The following NSUN6 variants were observed in gnomAD, a reference collection of about 807,000 sequenced individuals.
NSUN6 encodes the protein tRNA (cytosine(72)-C(5))-methyltransferase NSUN6.
In NSUN6, 64 loss-of-function variants were observed where a neutral mutation model predicts 58.0. The observed-to-expected ratio is 1.10, with a 90% CI of 0.90 to 1.36. NSUN6 has a LOEUF of 1.36. Among genes scored for constraint, NSUN6 ranks in the 40% most tolerant of loss-of-function variants. The pLI is 0.00. For synonymous variants in NSUN6, 231 were observed against 193.9 expected (o/e 1.19, Z -1.59); for missense variants, 701 against 550.1 (o/e 1.27, Z -2.74).
At chr10:18,605,087 G>A (rs1044078278) in intron 6 of NSUN6, among the ~76,000 whole-genome samples, 96 of 151,024 alleles carry the variant, frequency 6.4e-4, no homozygotes, top group Non-Finnish European at 1.0e-3. Flanking sequence ...GGGTTTCACC[G>A]TGTTAGCCAG....
intron 7 of NSUN6, among the ~76,000 whole-genome samples, chr10:18,587,409 A>G (rs2057199400): frequency 1.3e-5 from 2 of 152,222 alleles, no homozygotes; most frequent in Non-Finnish European, 2.9e-5. Context: ...ATATTTTGGT[A>G]TGGTATAAAA....
chr10:18,627,607 A>T (rs1205313218), intron 3 of NSUN6, among the ~76,000 whole-genome samples: 1 of 152,210 alleles, frequency 6.6e-6, no homozygotes, highest in South Asian at 2.1e-4. Flanking sequence ...GGGAAGCACA[A>T]GGGGTCAGGG....
chr10:18,625,729 A>T (rs1346982292), intron 3 of NSUN6, among the ~76,000 whole-genome samples: 2 of 148,148 alleles, frequency 1.3e-5, no homozygotes, highest in African/African-American at 2.5e-5. Flanking sequence ...TTAAAAAAAA[A>T]AAAAAAAAAA....
At chr10:18,548,317 T>A in intron 9 of NSUN6, 80 bp from the exon 10 acceptor site, 1 of 1,228,448 alleles carries the variant, frequency 8.1e-7, no homozygotes, top group Non-Finnish European at 1.1e-6. Context: ...AAAGGTATAA[T>A]GTCTTTCAAA....
At chr10:18,594,457 GT>G (rs1421522351) in intron 7 of NSUN6, among the ~76,000 whole-genome samples, 1 of 146,486 alleles carries the variant, frequency 6.8e-6, no homozygotes, top group South Asian at 2.2e-4. Context: ...GTTGTTTTTT[GT>G]TTTTTTTTGA....
At chr10:18,601,627 G>A (rs933711076) in intron 6 of NSUN6, among the ~76,000 whole-genome samples, 4 of 152,126 alleles carry the variant, frequency 2.6e-5, no homozygotes, top group African/African-American at 9.7e-5. Context: ...TTGGGGTTTG[G>A]GGTGAAGAAA....
chr10:18,565,324 C>G (rs1220247224), intron 8 of NSUN6, among the ~76,000 whole-genome samples: 2 of 151,244 alleles, frequency 1.3e-5, no homozygotes, highest in Non-Finnish European at 3.0e-5. Context: ...ATTCCATTCT[C>G]CATTCCATTC....
intron 8 of NSUN6, among the ~76,000 whole-genome samples, chr10:18,566,260 C>T (rs111068281): frequency 0.19 from 28,573 of 147,634 alleles, 3,202 homozygotes; most frequent in South Asian, 0.31. Flanking sequence ...CATTCCATTC[C>T]GTTCTCCATT....
chr10:18,637,727 A>G (rs201290355), intron 3 of NSUN6, among the ~76,000 whole-genome samples: 3 of 152,242 alleles, frequency 2.0e-5, no homozygotes, highest in East Asian at 3.8e-4. Context: ...ATGTCTATCA[A>G]TGGAGGATAG....
At chr10:18,623,436 T>C (rs1300881214) in intron 3 of NSUN6, among the ~76,000 whole-genome samples, 1 of 152,218 alleles carries the variant, frequency 6.6e-6, no homozygotes. Flanking sequence ...AAAAATTGGC[T>C]GACAGTGAAC....
At chr10:18,620,801 T>G (rs1261677706) in intron 3 of NSUN6, among the ~76,000 whole-genome samples, 1 of 152,250 alleles carries the variant, frequency 6.6e-6, no homozygotes, top group African/African-American at 2.4e-5. Context: ...CTCCTGACTT[T>G]AGACTATAGA....
At chr10:18,574,410 T>A (rs958109746) in intron 8 of NSUN6, among the ~76,000 whole-genome samples, 6 of 152,066 alleles carry the variant, frequency 3.9e-5, no homozygotes, top group Admixed American at 1.3e-4. Flanking sequence ...CCAGCAGGTT[T>A]CCTAACAGGA....
chr10:18,627,284 A>T (rs1356683088), intron 3 of NSUN6, among the ~76,000 whole-genome samples: 1 of 152,234 alleles, frequency 6.6e-6, no homozygotes, highest in African/African-American at 2.4e-5. Context: ...CTGTATATAA[A>T]GTTTAACTGA....
intron 3 of NSUN6, among the ~76,000 whole-genome samples, chr10:18,625,084 C>A (rs1231575817): frequency 2.0e-5 from 3 of 152,160 alleles, no homozygotes; most frequent in Non-Finnish European, 4.4e-5. Flanking sequence ...TTAAGCATGT[C>A]CTATGGGACC....
chr10:18,570,169 CTCCATTCTCCATTCTATTTCAT>C lies in NSUN6; in HGVS notation c.922+15758_922+15779del, dbSNP rs1188449457. On this transcript the variant is annotated intron_variant, in intron 8 of 10. Transcript: ENST00000377304. ...CCATTCCATTCTCCATTCCATTCCA[CTCCATTCTCCATTCTATTTCAT>C]TCCATTCTCCATTCATGTCCATCCC... 2.1e-5 allele frequency among the ~76,000 whole-genome samples: 3 copies of C among 146,210 alleles called. No homozygotes were observed. In the East Asian group the frequency reaches 6.2e-4, roughly 30 times the overall value.
chr10:18,589,631 A>T (rs2057303620), intron 7 of NSUN6, among the ~76,000 whole-genome samples: 1 of 152,216 alleles, frequency 6.6e-6, no homozygotes, highest in African/African-American at 2.4e-5. Flanking sequence ...AGAATTTTCA[A>T]CCCAGAATTT....
intron 8 of NSUN6, among the ~76,000 whole-genome samples, chr10:18,565,437 C>T (rs997848173): frequency 6.6e-6 from 1 of 150,648 alleles, no homozygotes; most frequent in African/African-American, 2.4e-5. Context: ...CCATTCCATT[C>T]TCCATTTCAT....
chr10:18,554,720 G>C (rs544663855), intron 8 of NSUN6, among the ~76,000 whole-genome samples: 1 of 151,160 alleles, frequency 6.6e-6, no homozygotes, highest in African/African-American at 2.4e-5. Flanking sequence ...AGAGAATGCA[G>C]TGGAGTGGAG....
At chr10:18,568,950 A>C (rs753548893) in intron 8 of NSUN6, among the ~76,000 whole-genome samples, 13 of 151,004 alleles carry the variant, frequency 8.6e-5, no homozygotes, top group Middle Eastern at 3.5e-3. Context: ...ATTCCATTCC[A>C]ATCCATTCTC....
Sources: gnomAD v4.1 joint callset for allele counts (sites outside exome capture counted in the v4.1 genomes callset) on GRCh38, gnomAD v4.1.1 for gene constraint, MANE v1.5 for transcripts, NCBI Gene and HGNC (gene_info 2026-07-23, HGNC 2026-07-21) for gene names.